The following NUP153 variants were observed in gnomAD, a reference collection of about 807,000 sequenced individuals.
NUP153 encodes nucleoporin 153.
In NUP153, 27 loss-of-function variants were observed where a neutral mutation model predicts 134.6. The ratio of observed to expected loss-of-function variants is 0.20; its 90% CI spans 0.15 to 0.28. NUP153 has a LOEUF of 0.28. Among genes scored for constraint, NUP153 ranks in the 10% least tolerant of loss-of-function variants. The pLI, the probability that NUP153 is intolerant of heterozygous loss-of-function variation, is 1.00. For synonymous variants in NUP153, 640 were observed against 623.5 expected (o/e 1.03, Z -0.40); for missense variants, 1,821 against 1,731.3 (o/e 1.05, Z -0.92).
chr6:17,645,910 C>T (rs972671537), intron 14 of NUP153, among the ~76,000 whole-genome samples, 157 bp downstream of exon 14: 3 of 152,040 alleles, frequency 2.0e-5, no homozygotes, highest in Non-Finnish European at 4.4e-5. Flanking sequence ...TAAAAAGCAC[C>T]GTCAAAAAGG....
chr6:17,629,084 T>C lies in NUP153; in HGVS notation c.3115A>G (p.Ile1039Val), dbSNP rs759695761. 3.1e-6 allele frequency: 5 copies of C among 1,614,220 alleles called. No individual in the cohort carries two copies. Among genetic ancestry groups the C allele is most frequent in the Admixed American group, 3.3e-5 (2 of 60,028 alleles). The change falls in exon 18 of 22, where the codon ATA (isoleucine) becomes GTA (valine). Residue 1039 changes from isoleucine to valine, a missense_variant. By Grantham distance (29) the Ile-to-Val change is conservative. Coordinates refer to ENST00000262077, the MANE Select transcript of NUP153 (RefSeq NM_005124.4). ...CTGCTCTTGTTCTCAGAGGTCACTA[T>C]GGTGTTAGCAGGAGCAGGGGTGGAG... ...INSTPAPANT[I>V]VTSENKSSFN...
intron 2 of NUP153, among the ~76,000 whole-genome samples, chr6:17,683,439 T>C (rs1768732784): frequency 6.6e-6 from 1 of 152,206 alleles, no homozygotes; most frequent in Non-Finnish European, 1.5e-5. Context: ...ACAACATTAA[T>C]CTCTATGCAC....
At chr6:17,647,494 T>C (rs1283606693) in intron 13 of NUP153, among the ~76,000 whole-genome samples, 1 of 152,198 alleles carries the variant, frequency 6.6e-6, no homozygotes, top group African/African-American at 2.4e-5. Flanking sequence ...GTCAAATTTC[T>C]TGGGTATGAT....
At chr6:17,672,588 A>C (rs1317183172) in intron 5 of NUP153, among the ~76,000 whole-genome samples, 1 of 152,230 alleles carries the variant, frequency 6.6e-6, no homozygotes, top group African/African-American at 2.4e-5. Flanking sequence ...ACAAAAACAC[A>C]GAACAAAGAC....
At chr6:17,681,059 A>T (rs1460638263) in intron 2 of NUP153, among the ~76,000 whole-genome samples, 2 of 151,356 alleles carry the variant, frequency 1.3e-5, no homozygotes, top group Admixed American at 6.5e-5. Context: ...ACTGTGCTAC[A>T]TATACACAAT....
chr6:17,676,922 C>A (rs1327338986), intron 2 of NUP153, among the ~76,000 whole-genome samples: 5 of 152,144 alleles, frequency 3.3e-5, no homozygotes, highest in Non-Finnish European at 7.3e-5. Flanking sequence ...AAGCCTTACG[C>A]AGCAGCTGCT....
rs189582253 is a variant in NUP153 at position 17,654,779 on chromosome 6, T to C, written c.1396-5479A>G. Among the ~76,000 whole-genome samples the C allele has an allele frequency of 4.2e-4, 64 of 152,328 alleles. No homozygotes were observed. The East Asian group carries it at 0.01, about 25-fold the overall frequency. On this transcript the variant is annotated intron_variant, in intron 11 of 21. Coordinates refer to ENST00000262077, the MANE Select transcript of NUP153 (RefSeq NM_005124.4). ...GTAGAACACACATTTCACAATTCAC[T>C]ATCTAATACCTTTGTAATATCCTTA...
At chr6:17,695,463 T>G (rs1769576129) in intron 1 of NUP153, among the ~76,000 whole-genome samples, 1 of 152,166 alleles carries the variant, frequency 6.6e-6, no homozygotes, top group Admixed American at 6.6e-5. Flanking sequence ...CAATAGAATT[T>G]TACCTAAAAG....
At chr6:17,661,990 A>C (rs1267895416) in intron 10 of NUP153, 28 bp downstream of exon 10, 1 of 1,493,874 alleles carries the variant, frequency 6.7e-7, no homozygotes, top group Middle Eastern at 1.7e-4. Context: ...AATATAAAGA[A>C]GTATAGCTGT....
chr6:17,704,043 A>G (rs1770298496), intron 1 of NUP153, among the ~76,000 whole-genome samples: 1 of 152,268 alleles, frequency 6.6e-6, no homozygotes, highest in Non-Finnish European at 1.5e-5. Flanking sequence ...CTGTAATCCC[A>G]GCACTTCGGG....
intron 5 of NUP153, among the ~76,000 whole-genome samples, chr6:17,673,156 C>T (rs1215805229): frequency 6.6e-6 from 1 of 152,144 alleles, no homozygotes; most frequent in Non-Finnish European, 1.5e-5. Flanking sequence ...ATCACAAGGT[C>T]AAGAGTTCGA....
chr6:17,633,834 T>C (rs1765383719), intron 16 of NUP153, among the ~76,000 whole-genome samples: 1 of 152,154 alleles, frequency 6.6e-6, no homozygotes, highest in East Asian at 1.9e-4. Flanking sequence ...TATGTTCTCT[T>C]CCATCTTGCC....
intron 2 of NUP153, among the ~76,000 whole-genome samples, chr6:17,681,320 C>T (rs547738170): frequency 1.3e-5 from 2 of 152,158 alleles, no homozygotes; most frequent in East Asian, 3.9e-4. Flanking sequence ...CAGAAGGCGG[C>T]TCATGCCTGT....
intron 9 of NUP153, among the ~76,000 whole-genome samples, chr6:17,662,423 A>G (rs1767245087): frequency 6.6e-6 from 1 of 152,154 alleles, no homozygotes; most frequent in Non-Finnish European, 1.5e-5. Flanking sequence ...GCTCCCTACA[A>G]CTTAAAGAAT....
At chr6:17,667,374 T>C (rs1767596771) in intron 8 of NUP153, among the ~76,000 whole-genome samples, 1 of 152,196 alleles carries the variant, frequency 6.6e-6, no homozygotes, top group Non-Finnish European at 1.5e-5. Context: ...AATTATAATT[T>C]AAATAATTAC....
chr6:17,697,956 T>C (rs1467009279), intron 1 of NUP153, among the ~76,000 whole-genome samples: 1 of 152,220 alleles, frequency 6.6e-6, no homozygotes, highest in Non-Finnish European at 1.5e-5. Flanking sequence ...CTTCCTTCTA[T>C]ACAAAGCTCT....
chr6:17,618,502 C>T (rs1430223603), intron 20 of NUP153, among the ~76,000 whole-genome samples: 1 of 150,220 alleles, frequency 6.7e-6, no homozygotes, highest in Non-Finnish European at 1.5e-5. Context: ...AAAAAGGAAA[C>T]ATCCAGAAAA....
intron 14 of NUP153, among the ~76,000 whole-genome samples, chr6:17,641,910 C>G (rs1765863758): frequency 6.6e-6 from 1 of 151,982 alleles, no homozygotes; most frequent in African/African-American, 2.4e-5. Context: ...TTGAAGCTGG[C>G]TAAATAGTAT....
intron 1 of NUP153, among the ~76,000 whole-genome samples, chr6:17,694,966 G>A (rs13195132): frequency 0.082 from 10,930 of 134,050 alleles, 486 homozygotes; most frequent in Admixed American, 0.14. Flanking sequence ...GCAACAAAGC[G>A]AGACTCTGTC....
Sources: gnomAD v4.1 joint callset for allele counts (sites outside exome capture counted in the v4.1 genomes callset) on GRCh38, gnomAD v4.1.1 for gene constraint, MANE v1.5 for transcripts, NCBI Gene and HGNC (gene_info 2026-07-23, HGNC 2026-07-21) for gene names.